IQSEC1: variants seen among roughly 807,000 people sequenced by gnomAD.
The protein encoded by IQSEC1 is IQ motif and SEC7 domain-containing protein 1.
Under a neutral mutation model 91.0 loss-of-function variants are expected in IQSEC1, and 31 were observed. The observed-to-expected ratio is 0.34, with a 90% CI of 0.26 to 0.46. The LOEUF is 0.46. IQSEC1 is among the 20% of genes least tolerant of loss of function. IQSEC1 has a pLI of 1.00. For synonymous variants in IQSEC1, 699 were observed against 662.6 expected (o/e 1.05, Z -0.84); for missense variants, 1,388 against 1,575.6 (o/e 0.88, Z 2.02).
At chr3:13,129,648 C>A (rs1372618320) in intron 2 of IQSEC1, among the ~76,000 whole-genome samples, 1 of 141,612 alleles carries the variant, frequency 7.1e-6, no homozygotes, top group Admixed American at 7.1e-5. Flanking sequence ...TTAGTAACAT[C>A]TTATGAATTT....
rs1043519050 is a variant in IQSEC1 at position 12,967,593 on chromosome 3, C to A, written c.24-25728G>T. 4 of 1,282,868 alleles carry A rather than the reference C, an allele frequency of 3.1e-6. No individual in the cohort carries two copies. The South Asian group carries it at 9.8e-5, about 31-fold the overall frequency. The allele number at this position is 1,282,868 out of a possible 1,614,324, so 79.5% of individuals were successfully genotyped here. A position where few individuals can be genotyped will look rare whatever the true frequency, so the allele number is the denominator to read the frequency against. On this transcript the variant is annotated intron_variant, in intron 1 of 13. Coordinates refer to ENST00000613206, the MANE Select transcript of IQSEC1 (RefSeq NM_001134382.3). The surrounding 1 kb of genome is among the most constrained non-coding windows in gnomAD (Gnocchi z 5.9). ...CCGACCACCCGCCACGCGATCACGT[C>A]GGGGCTCCTGGTCCAGCGTCCGCCG...
At chr3:12,969,682 T>C (rs1388132504) in intron 1 of IQSEC1, among the ~76,000 whole-genome samples, 2 of 152,210 alleles carry the variant, frequency 1.3e-5, no homozygotes, top group African/African-American at 4.8e-5. Context: ...GGGCACGGTC[T>C]TTGACAGCCT....
chr3:13,200,093 A>G (rs922580281), intron 1 of IQSEC1, among the ~76,000 whole-genome samples: 5 of 146,978 alleles, frequency 3.4e-5, no homozygotes, highest in Non-Finnish European at 7.5e-5. Flanking sequence ...TATACACAAC[A>G]TGCGCGCGCA....
intron 2 of IQSEC1, among the ~76,000 whole-genome samples, chr3:13,101,685 T>C (rs1176250902): frequency 6.6e-6 from 1 of 152,044 alleles, no homozygotes; most frequent in Non-Finnish European, 1.5e-5. Context: ...CTGTTTTGGC[T>C]GTGTCCAGTA....
At position 13,245,416 on chromosome 3, in the gene IQSEC1, G is replaced by T. The variant is rs147559847; in HGVS notation, c.272+37295C>A. Reference sequence around the variant, plus strand: ...CCACTCAGCCAGTCTGGATTCAAGGGGTGGAAAAAAGGGCTCCACCTCTGG... The same window carrying T: ...CCACTCAGCCAGTCTGGATTCAAGGTGTGGAAAAAAGGGCTCCACCTCTGG... On this transcript the variant is annotated intron_variant, in intron 1 of 15. Transcript: ENST00000648114. Among the ~76,000 whole-genome samples, 1,404 of 152,192 alleles carry T rather than the reference G, an allele frequency of 9.2e-3. 10 individuals are homozygous for T. The highest frequency in any genetic ancestry group is 0.032 in the African/African-American group (1,337 of 41,538).
intron 1 of IQSEC1, among the ~76,000 whole-genome samples, chr3:13,246,330 G>C (rs1283148386): frequency 2.6e-5 from 4 of 152,130 alleles, no homozygotes; most frequent in Non-Finnish European, 5.9e-5. Context: ...GACAGAAATG[G>C]AGTCAGGGGT....
At chr3:13,253,262 T>C (rs986968542) in intron 1 of IQSEC1, among the ~76,000 whole-genome samples, 8 of 152,232 alleles carry the variant, frequency 5.3e-5, no homozygotes, top group Non-Finnish European at 1.2e-4. Flanking sequence ...GCTTGGTAAC[T>C]TGCCATAGGG....
intron 1 of IQSEC1, among the ~76,000 whole-genome samples, chr3:13,236,194 G>A (rs910301711): frequency 6.6e-6 from 1 of 152,146 alleles, no homozygotes; most frequent in Non-Finnish European, 1.5e-5. Flanking sequence ...AAGCCAGGCA[G>A]GATGAATTCT....
intron 2 of IQSEC1, among the ~76,000 whole-genome samples, chr3:13,135,686 G>A (rs751409783): frequency 2.0e-5 from 3 of 152,198 alleles, no homozygotes; most frequent in Non-Finnish European, 4.4e-5. Flanking sequence ...CGACACAGAC[G>A]CCTCACTGTG....
chr3:12,911,522 A>G (rs537040421), intron 10 of IQSEC1, 107 bp downstream of exon 10: 2 of 805,424 alleles, frequency 2.5e-6, no homozygotes, highest in African/African-American at 1.7e-5. Flanking sequence ...GGGATAAAAC[A>G]GGGGTGAGCG....
chr3:13,226,936 C>T (rs1694763133), intron 1 of IQSEC1, among the ~76,000 whole-genome samples: 1 of 152,172 alleles, frequency 6.6e-6, no homozygotes, highest in Non-Finnish European at 1.5e-5. Context: ...TCTCCGCACA[C>T]CCAGCAGAGT....
rs1448426348 is a variant in IQSEC1 at position 13,214,138 on chromosome 3, G to A, written c.273-50005C>T. Among the ~76,000 whole-genome samples the A allele has an allele frequency of 6.6e-6, 1 of 152,140 alleles. No individual in the cohort carries two copies. The highest frequency in any genetic ancestry group is 2.4e-5 in the African/African-American group (1 of 41,426). On this transcript the variant is annotated intron_variant, in intron 1 of 15. Coordinates refer to the IQSEC1 transcript ENST00000648114. This position sits in a 1 kb window ranked among gnomAD's most constrained non-coding sequence, Gnocchi z 4.5. ...TTGCTATACTGGTCTCTCTGCTCCAGTGTCATTCTCCCCTCCTGCCAAAGG... is the reference window on the plus strand; with the variant it reads ...TTGCTATACTGGTCTCTCTGCTCCAATGTCATTCTCCCCTCCTGCCAAAGG...
intron 1 of IQSEC1, among the ~76,000 whole-genome samples, chr3:13,240,245 G>A (rs1284726835): frequency 6.6e-6 from 1 of 152,096 alleles, no homozygotes; most frequent in Non-Finnish European, 1.5e-5. Context: ...AAATTAGCCA[G>A]GTGAGGTGGT....
chr3:13,064,011 A>T lies in IQSEC1; in HGVS notation c.23+8981T>A, dbSNP rs1427330683. 2.0e-5 allele frequency among the ~76,000 whole-genome samples: 3 copies of T among 152,072 alleles called. No homozygotes were observed. The South Asian group carries it at 6.2e-4, about 31-fold the overall frequency. ...ATTCATTTGCAGTTGTAAAAAAAAA[A>T]AAAACAAAAAACAATACAGAGAGAT... On this transcript the variant is annotated intron_variant, in intron 1 of 13. Transcript: ENST00000613206.
At position 12,900,742 on chromosome 3, in the gene IQSEC1, C is replaced by T; in HGVS notation, c.*241G>A. 2 of 1,418,758 alleles carry T rather than the reference C, an allele frequency of 1.4e-6. No homozygotes were observed. The highest frequency in any genetic ancestry group is 1.5e-5 in the South Asian group (1 of 66,478). The allele number at this position is 1,418,758 out of a possible 1,614,324, so 87.9% of individuals were successfully genotyped here. ...TTTCAAGGCTGATGGTGTCTGAGGCCCACCCATCCCTCAGACTGAGGTGAG... is the reference window on the plus strand; with the variant it reads ...TTTCAAGGCTGATGGTGTCTGAGGCTCACCCATCCCTCAGACTGAGGTGAG... On this transcript the variant is annotated 3_prime_UTR_variant, in exon 14 of 14. Transcript: ENST00000613206.
At chr3:12,974,671 G>A (rs140561550) in intron 1 of IQSEC1, among the ~76,000 whole-genome samples, 4 of 152,330 alleles carry the variant, frequency 2.6e-5, no homozygotes, top group East Asian at 3.9e-4. Context: ...GTAGAGGACC[G>A]TTCCCTAAAC....
At chr3:13,078,942 G>T (rs1013746261) in intron 2 of IQSEC1, among the ~76,000 whole-genome samples, 13 of 152,150 alleles carry the variant, frequency 8.5e-5, no homozygotes, top group Admixed American at 6.6e-5. Flanking sequence ...CACTAAAGCA[G>T]ATCTTTTCTA....
chr3:12,944,865 T>G (rs1165665594), intron 1 of IQSEC1, among the ~76,000 whole-genome samples: 1 of 152,166 alleles, frequency 6.6e-6, no homozygotes, highest in Non-Finnish European at 1.5e-5. Flanking sequence ...GAGGGGAGTG[T>G]GGGACCCTCA....
intron 1 of IQSEC1, among the ~76,000 whole-genome samples, chr3:12,977,522 C>A (rs1391248216): frequency 2.0e-5 from 3 of 152,180 alleles, no homozygotes; most frequent in African/African-American, 7.2e-5. Flanking sequence ...AAGGGCTTGC[C>A]CTCCTTCAGA....
Sources: allele counts gnomAD v4.1 joint callset (sites outside exome capture counted in the v4.1 genomes callset), GRCh38; gene constraint gnomAD v4.1.1; non-coding constraint Gnocchi (gnomAD v3.1); transcripts MANE v1.5; gene names NCBI Gene and HGNC (gene_info 2026-07-23, HGNC 2026-07-21).